FYCO1: variants seen among roughly 807,000 people sequenced by gnomAD.
The protein encoded by FYCO1 is FYVE and coiled-coil domain autophagy adaptor 1.
Under a neutral mutation model 165.1 loss-of-function variants are expected in FYCO1, and 122 were observed. The ratio of observed to expected loss-of-function variants is 0.74; its 90% confidence interval spans 0.64 to 0.86. The LOEUF is 0.86. Ranked by LOEUF, FYCO1 falls within the 40% of genes least tolerant of loss-of-function variation. The probability of loss-of-function intolerance (pLI) is 0.00; values close to 1 mark genes in which losing one functional copy is unlikely to be tolerated. For missense variants in FYCO1, 1,702 were observed against 1,810.3 expected (o/e 0.94, Z 1.09); for synonymous variants, 648 against 742.5 (o/e 0.87, Z 2.07).
Position 45,967,526 on chromosome 3 carries a change from G to A in FYCO1, c.1808C>T (p.Thr603Ile), listed in dbSNP as rs1445197485. ...CTCCTGGCTGCCCTCTTGCACCTTG[G>A]TATCGTCTAACTGTGCCTCCTGCAG... ...RGLQEAQLDDTKVQEGSQEEE... is the reference protein window; with the variant it reads ...RGLQEAQLDDIKVQEGSQEEE... The change falls in exon 8 of 18, where the codon ACC becomes ATC. Residue 603 changes from threonine (T) to isoleucine (I), a missense_variant. By Grantham distance (89) the Thr-to-Ile change is moderately conservative. Transcript: ENST00000296137. 2 of 1,613,626 alleles carry A rather than the reference G, an allele frequency of 1.2e-6. No homozygotes were observed. The highest frequency in any genetic ancestry group is 3.3e-5 in the Admixed American group (2 of 60,006).
In FYCO1 at chr3:45,946,392, A is replaced by G. The variant is rs1167729483; in HGVS notation, c.3944+8857T>C. 2.5e-6 allele frequency: 3 copies of G among 1,189,066 alleles called. No individual in the cohort carries two copies. In the African/African-American group the frequency reaches 4.6e-5, roughly 18 times the overall value. The allele number at this position is 1,189,066 out of a possible 1,614,324, so 73.7% of individuals were successfully genotyped here. ...ACTATTTGCCCCCTAAATGTGGTCA[A>G]TGGGATAGCAGGAAGACAAAGAATG... On this transcript the variant is annotated intron_variant, in intron 14 of 17. Coordinates refer to ENST00000296137, the MANE Select transcript of FYCO1 (RefSeq NM_024513.4).
chr3:45,927,691 T>C (rs1232783769), intron 16 of FYCO1, among the ~76,000 whole-genome samples: 1 of 152,214 alleles, frequency 6.6e-6, no homozygotes, highest in Non-Finnish European at 1.5e-5. Context: ...CACCAGGGAC[T>C]AAGGATCCCG....
At chr3:45,959,696 C>A (rs1705579148) in intron 11 of FYCO1, among the ~76,000 whole-genome samples, 154 bp from the exon 12 acceptor site, 1 of 152,236 alleles carries the variant, frequency 6.6e-6, no homozygotes, top group African/African-American at 2.4e-5. Context: ...CATGCTAAGT[C>A]TCCTCCATCT....
chr3:45,982,426 C>T (rs1247685534), intron 2 of FYCO1, among the ~76,000 whole-genome samples: 1 of 152,160 alleles, frequency 6.6e-6, no homozygotes, highest in Non-Finnish European at 1.5e-5. Context: ...GGGTGGCAAA[C>T]AGCAGAGCTG....
intron 15 of FYCO1, among the ~76,000 whole-genome samples, chr3:45,934,244 A>G (rs1173314229): frequency 6.6e-6 from 1 of 152,238 alleles, no homozygotes; most frequent in African/African-American, 2.4e-5. Context: ...AATGATGGTT[A>G]TAAACTTCCC....
intron 1 of FYCO1, among the ~76,000 whole-genome samples, chr3:45,988,762 AG>A (rs1303916442): frequency 1.3e-5 from 2 of 152,350 alleles, no homozygotes; most frequent in East Asian, 3.9e-4. Flanking sequence ...TCTGACAAAG[AG>A]GAAAAGGGAC....
At chr3:45,972,818 G>C (rs940585999) in intron 6 of FYCO1, among the ~76,000 whole-genome samples, 2 of 152,246 alleles carry the variant, frequency 1.3e-5, no homozygotes, top group South Asian at 2.1e-4. Context: ...AACAACAAGT[G>C]CCTTAAAAAA....
rs780425332 is a variant in FYCO1 at position 45,968,308 on chromosome 3, G to A, written c.1026C>T (p.Ser342=). The change falls in exon 8 of 18, where the codon TCC becomes TCT. Residue 342 remains serine, a synonymous_variant. Coordinates refer to ENST00000296137, the MANE Select transcript of FYCO1 (RefSeq NM_024513.4). ...GCTCCTGTGCCAAGGGCTGCAGCATGGACTCCAGCCGCCGCAGGGCTGTGT... is the reference window on the plus strand; with the variant it reads ...GCTCCTGTGCCAAGGGCTGCAGCATAGACTCCAGCCGCCGCAGGGCTGTGT... ...DYHTALRRLE[S]MLQPLAQELE... 2 of 1,613,824 alleles carry A rather than the reference G, an allele frequency of 1.2e-6. No individual in the cohort carries two copies. Among genetic ancestry groups the A allele is most frequent in the East Asian group, 4.5e-5 (2 of 44,866 alleles).
rs575700057 is a variant in FYCO1 at position 45,946,107 on chromosome 3, T to C, written c.3944+9142A>G. ...TATCAGTGGGCTCAACCATCCATCATCAGTGTTGCTCTTCCAAACAGCACT... is the reference window on the plus strand; with the variant it reads ...TATCAGTGGGCTCAACCATCCATCACCAGTGTTGCTCTTCCAAACAGCACT... On this transcript the variant is annotated intron_variant, in intron 14 of 17. Coordinates refer to ENST00000296137, the MANE Select transcript of FYCO1 (RefSeq NM_024513.4). 5 of 201,252 alleles carry C rather than the reference T, an allele frequency of 2.5e-5. No homozygotes were observed. In the Admixed American group the frequency reaches 2.6e-4, roughly 11 times the overall value. The allele number at this position is 201,252 out of a possible 1,614,324, so 12.5% of individuals were successfully genotyped here.
chr3:45,923,174 C>G (rs868593116), intron 17 of FYCO1, among the ~76,000 whole-genome samples: 4 of 152,382 alleles, frequency 2.6e-5, no homozygotes, highest in Middle Eastern at 3.4e-3. Context: ...TGGCCAGGGG[C>G]TTTGTGGTGC....
At chr3:45,924,744 T>C (rs1703239686) in intron 16 of FYCO1, among the ~76,000 whole-genome samples, 1 of 149,886 alleles carries the variant, frequency 6.7e-6, no homozygotes, top group African/African-American at 2.5e-5. Context: ...TCCCGAGTAG[T>C]AGGGATTACA....
chr3:45,964,997 C>G lies in FYCO1; in HGVS notation c.3150+36G>C, dbSNP rs775334814. 4.5e-6 allele frequency: 7 copies of G among 1,548,704 alleles called. No homozygotes were observed. In the East Asian group the frequency reaches 9.0e-5, roughly 20 times the overall value. On this transcript the variant is annotated intron_variant, in intron 9 of 17. Coordinates refer to ENST00000296137, the MANE Select transcript of FYCO1 (RefSeq NM_024513.4). The surrounding 1 kb of genome is among the most constrained non-coding windows in gnomAD (Gnocchi z 4.1). ...GGTCCAGTCAAAACCACACCAGATG[C>G]CCTCTCCCTGACAGGTCTACACTAC...
chr3:45,991,892 G>A (rs931171861), intron 1 of FYCO1, among the ~76,000 whole-genome samples: 1 of 152,154 alleles, frequency 6.6e-6, no homozygotes, highest in Non-Finnish European at 1.5e-5. Flanking sequence ...GAGGCCATGA[G>A]AGTGGGCCCA....
intron 11 of FYCO1, among the ~76,000 whole-genome samples, chr3:45,961,514 G>A (rs1035689117): frequency 1.3e-5 from 2 of 151,830 alleles, no homozygotes; most frequent in Admixed American, 1.3e-4. Context: ...GGAGGAAGAG[G>A]TTGCAGTGAG....
In FYCO1 at chr3:45,946,208, T is replaced by C; in HGVS notation, c.3944+9041A>G. 3 of 403,402 alleles carry C rather than the reference T, an allele frequency of 7.4e-6. No individual in the cohort carries two copies. In the South Asian group the frequency reaches 1.1e-4, roughly 15 times the overall value. The allele number at this position is 403,402 out of a possible 1,614,324, so 25.0% of individuals were successfully genotyped here. A position where few individuals can be genotyped will look rare whatever the true frequency, so the allele number is the denominator to read the frequency against. On this transcript the variant is annotated intron_variant, in intron 14 of 17. Coordinates refer to ENST00000296137, the MANE Select transcript of FYCO1 (RefSeq NM_024513.4). ...GGATTTTATGGAATGTGCTTAGGGG[T>C]CAGTTATGAGTTGTCTCCCAGATGG...
At chr3:45,937,927 C>A (rs530276511) in intron 14 of FYCO1, among the ~76,000 whole-genome samples, 3 of 152,158 alleles carry the variant, frequency 2.0e-5, no homozygotes, top group Non-Finnish European at 4.4e-5. Context: ...GCTTGTGCGG[C>A]CACCCACTTG....
At position 45,936,614 on chromosome 3, in the gene FYCO1, A is replaced by C. The variant is rs1042247826; in HGVS notation, c.3945-71T>G. The C allele has an allele frequency of 4.6e-6, 5 of 1,085,326 alleles. No individual in the cohort carries two copies. The Admixed American group carries it at 8.5e-5, about 18-fold the overall frequency. The allele number at this position is 1,085,326 out of a possible 1,614,324, so 67.2% of individuals were successfully genotyped here. On this transcript the variant is annotated intron_variant, in intron 14 of 17. Transcript: ENST00000296137. Reference sequence around the variant, plus strand: ...CAGGGTCTCACATCCTGGGGTCCGCAGTCTTGGAGTCACAGGCAGCCAAAT... The same window carrying C: ...CAGGGTCTCACATCCTGGGGTCCGCCGTCTTGGAGTCACAGGCAGCCAAAT...
intron 14 of FYCO1, chr3:45,947,695 T>A: frequency 1.7e-6 from 1 of 594,364 alleles, no homozygotes; most frequent in Non-Finnish European, 3.0e-6. Flanking sequence ...TGAACACTCA[T>A]GCTGAAAGCC....
At chr3:45,978,004 T>C (rs1274825799) in intron 4 of FYCO1, among the ~76,000 whole-genome samples, 3 of 152,202 alleles carry the variant, frequency 2.0e-5, no homozygotes, top group East Asian at 1.9e-4. Context: ...GCAGAGCCTA[T>C]GCCAGCCACT....
Sources: gnomAD v4.1 joint callset for allele counts (sites outside exome capture counted in the v4.1 genomes callset) on GRCh38, gnomAD v4.1.1 for gene constraint, Gnocchi (gnomAD v3.1) non-coding constraint, MANE v1.5 for transcripts, NCBI Gene and HGNC (gene_info 2026-07-23, HGNC 2026-07-21) for gene names.